MTCL2: variants seen among roughly 807,000 people sequenced by gnomAD.
MTCL2 encodes the protein microtubule crosslinking factor 2.
chr20:36,786,777 CA>C, the MTCL2 span: 224 of 730,882 alleles, frequency 3.1e-4, 1 homozygote, highest in Non-Finnish European at 4.8e-5. Flanking sequence ...CTCACTGGAC[CA>C]ATTTTTTCTT....
chr20:36,852,508 C>T, the MTCL2 span, among the ~76,000 whole-genome samples: 10 of 152,234 alleles, frequency 6.6e-5, no homozygotes, highest in Non-Finnish European at 8.8e-5. Flanking sequence ...CAAAAAACTC[C>T]GCAGAGCTCC....
the MTCL2 span, chr20:36,810,123 G>A: frequency 1.3e-6 from 2 of 1,583,538 alleles, no homozygotes; most frequent in Non-Finnish European, 1.7e-6. Flanking sequence ...GTACAGACAG[G>A]GGACACAGAT....
chr20:36,836,564 G>A, the MTCL2 span, among the ~76,000 whole-genome samples: 11 of 151,798 alleles, frequency 7.2e-5, no homozygotes, highest in Admixed American at 2.0e-4. Flanking sequence ...GGCTGGTCTC[G>A]AACTCCTGAC....
At chr20:36,857,087 G>A in the MTCL2 span, among the ~76,000 whole-genome samples, 1,022 of 152,294 alleles carry the variant, frequency 6.7e-3, 5 homozygotes, top group Non-Finnish European at 0.011. Flanking sequence ...GTGAGCTTGT[G>A]CCTGGGCCAG....
At chr20:36,841,747 G>A in the MTCL2 span, among the ~76,000 whole-genome samples, 2 of 152,162 alleles carry the variant, frequency 1.3e-5, no homozygotes, top group Admixed American at 6.5e-5. Context: ...CACCCAGGCT[G>A]GAGTGCGGTG....
At chr20:36,799,699 G>A in the MTCL2 span, among the ~76,000 whole-genome samples, 4 of 150,596 alleles carry the variant, frequency 2.7e-5, no homozygotes, top group Non-Finnish European at 5.9e-5. Flanking sequence ...AGAAAAGAAA[G>A]AAACGAAGAA....
the MTCL2 span, among the ~76,000 whole-genome samples, chr20:36,813,571 T>C: frequency 4.6e-5 from 7 of 150,816 alleles, no homozygotes; most frequent in Non-Finnish European, 1.0e-4. Context: ...CCATCTCTAT[T>C]AAAAATACAA....
the MTCL2 span, among the ~76,000 whole-genome samples, chr20:36,856,845 TGTGTGTGTGTGTGCGTGCGCGCAC>T: frequency 1.3e-5 from 2 of 152,158 alleles, no homozygotes; most frequent in African/African-American, 4.8e-5. Flanking sequence ...ACAGCGTGTG[TGTGTGTGTGTGTGCGTGCGCGCAC>T]GTGTGTGCGT....
chr20:36,823,041 G>A, the MTCL2 span, among the ~76,000 whole-genome samples: 2 of 152,346 alleles, frequency 1.3e-5, no homozygotes, highest in East Asian at 1.9e-4. Flanking sequence ...TTACAGGCGT[G>A]AGCCACTGTG....
At chr20:36,793,570 G>A in the MTCL2 span, 2 of 1,551,614 alleles carry the variant, frequency 1.3e-6, no homozygotes, top group South Asian at 1.2e-5. This position sits in a 1 kb window ranked among gnomAD's most constrained non-coding sequence, Gnocchi z 6.8. Flanking sequence ...CAGACTCCGT[G>A]CTCCCTGAGT....
At chr20:36,815,707 G>A in the MTCL2 span, 1 of 1,602,164 alleles carries the variant, frequency 6.2e-7, no homozygotes, top group Non-Finnish European at 8.5e-7. This position sits in a 1 kb window ranked among gnomAD's most constrained non-coding sequence, Gnocchi z 5.3. Flanking sequence ...TCGCCGATCT[G>A]CAGCTTGGCG....
the MTCL2 span, among the ~76,000 whole-genome samples, chr20:36,803,991 T>C: frequency 1.5e-5 from 2 of 137,894 alleles, no homozygotes; most frequent in East Asian, 4.0e-4. Context: ...GGAGGTGGAA[T>C]TGGGGTCACA....
At chr20:36,839,033 G>A in the MTCL2 span, among the ~76,000 whole-genome samples, 1 of 152,032 alleles carries the variant, frequency 6.6e-6, no homozygotes, top group Non-Finnish European at 1.5e-5. The surrounding 1 kb of genome is among the most constrained non-coding windows in gnomAD (Gnocchi z 5.1). Flanking sequence ...ATATCATTTT[G>A]GGATACCCTT....
the MTCL2 span, chr20:36,781,852 T>C: frequency 6.6e-6 from 1 of 152,152 alleles, no homozygotes; most frequent in Admixed American, 6.5e-5. Context: ...TTTATTTTTT[T>C]TGAGACAAGT....
At chr20:36,829,058 C>G in the MTCL2 span, 1 of 1,548,264 alleles carries the variant, frequency 6.5e-7, no homozygotes, top group East Asian at 2.4e-5. Context: ...CCTCACCTCT[C>G]TCGGTCGCTC....
the MTCL2 span, among the ~76,000 whole-genome samples, chr20:36,853,438 A>G: frequency 6.6e-6 from 1 of 152,206 alleles, no homozygotes; most frequent in Non-Finnish European, 1.5e-5. Context: ...ACAGTCTTAT[A>G]ATGAACAATG....
At chr20:36,847,048 A>G in the MTCL2 span, among the ~76,000 whole-genome samples, 1 of 152,158 alleles carries the variant, frequency 6.6e-6, no homozygotes, top group Non-Finnish European at 1.5e-5. Context: ...GAGGCTCACT[A>G]ATTACCAGGC....
chr20:36,785,446 G>A, the MTCL2 span: 1 of 985,364 alleles, frequency 1.0e-6, no homozygotes, highest in Non-Finnish European at 1.2e-6. Context: ...CAAGATACGT[G>A]TTTCCAGGCC....
the MTCL2 span, chr20:36,785,122 C>T: frequency 1.0e-6 from 1 of 985,296 alleles, no homozygotes; most frequent in East Asian, 1.1e-4. Context: ...AAGTACCAGG[C>T]ATTGAGTAAT....
Sources: allele counts gnomAD v4.1 joint callset (sites outside exome capture counted in the v4.1 genomes callset), GRCh38; gene constraint gnomAD v4.1.1; non-coding constraint Gnocchi (gnomAD v3.1); transcripts MANE v1.5; gene names NCBI Gene and HGNC (gene_info 2026-07-23, HGNC 2026-07-21).